Variants in PRIM2 observed in about 807,000 individuals in gnomAD.
The protein encoded by PRIM2 is DNA primase large subunit.
In PRIM2, 39 loss-of-function variants were observed where a neutral mutation model predicts 67.3. That is an observed-to-expected ratio of 0.58 (90% CI 0.45 to 0.76). The LOEUF (loss-of-function observed/expected upper bound fraction) is 0.76. Ranked by LOEUF, PRIM2 falls within the 30% of genes least tolerant of loss-of-function variation. PRIM2 has a pLI of 0.00. For synonymous variants in PRIM2, 143 were observed against 198.7 expected, an observed-to-expected ratio of 0.72 and a Z score of 2.36; for missense variants, 398 against 598.7, an observed-to-expected ratio of 0.66 and a Z score of 3.50.
At chr6:57,641,724 A>G in intron 13 of PRIM2, among the ~76,000 whole-genome samples, 1 of 152,364 alleles carries the variant, frequency 6.6e-6, no homozygotes, top group East Asian at 1.9e-4. Flanking sequence ...TTAAAAAGTC[A>G]GGAAACAACA....
At chr6:57,413,459 C>G (rs1489028057) in intron 7 of PRIM2, among the ~76,000 whole-genome samples, 1 of 151,506 alleles carries the variant, frequency 6.6e-6, no homozygotes, top group Non-Finnish European at 1.5e-5. Context: ...TATCAAATGG[C>G]AAATTCCAAC....
chr6:57,524,379 G>T (rs1554349171), intron 8 of PRIM2, among the ~76,000 whole-genome samples: 1 of 152,158 alleles, frequency 6.6e-6, no homozygotes, highest in Non-Finnish European at 1.5e-5. Context: ...TAAGTTTTAT[G>T]TAAGTTTATT....
the PRIM2 span, among the ~76,000 whole-genome samples, chr6:57,268,038 T>A: frequency 6.6e-6 from 1 of 152,148 alleles, no homozygotes; most frequent in Non-Finnish European, 1.5e-5. Context: ...TTCAGAGGAA[T>A]AATGGCTGTT....
chr6:57,516,522 A>G (rs1359967534), intron 8 of PRIM2, among the ~76,000 whole-genome samples: 4 of 152,332 alleles, frequency 2.6e-5, no homozygotes, highest in Admixed American at 6.5e-5. Flanking sequence ...ACAGAAATAT[A>G]AAAAGTTACT....
upstream of PRIM2, among the ~76,000 whole-genome samples, chr6:57,316,284 C>A (rs1483263818): frequency 6.6e-6 from 1 of 152,106 alleles, no homozygotes; most frequent in Non-Finnish European, 1.5e-5. Context: ...ATTAGCCAGG[C>A]GCCTGTAATC....
chr6:57,594,544 G>A (rs2127489530), intron 10 of PRIM2, among the ~76,000 whole-genome samples: 1 of 152,282 alleles, frequency 6.6e-6, no homozygotes, highest in African/African-American at 2.4e-5. Context: ...AATTTGATGA[G>A]GATGCTGAAG....
At chr6:57,434,081 T>C (rs973183737) in intron 7 of PRIM2, among the ~76,000 whole-genome samples, 6 of 151,992 alleles carry the variant, frequency 3.9e-5, no homozygotes, top group East Asian at 3.9e-4. Flanking sequence ...TGCGCCACCA[T>C]GCCCAACTAA....
At chr6:57,412,377 A>G (rs546129719) in intron 7 of PRIM2, among the ~76,000 whole-genome samples, 1 of 152,162 alleles carries the variant, frequency 6.6e-6, no homozygotes, top group Non-Finnish European at 1.5e-5. Flanking sequence ...GCAATTTTCT[A>G]CAATCACATA....
At chr6:57,273,193 G>T in the PRIM2 span, among the ~76,000 whole-genome samples, 52 of 152,300 alleles carry the variant, frequency 3.4e-4, no homozygotes, top group African/African-American at 1.1e-3. Flanking sequence ...GATTGGGGAA[G>T]TTCTCCTGGA....
intron 7 of PRIM2, among the ~76,000 whole-genome samples, chr6:57,489,116 C>T (rs1395638445): frequency 2.0e-5 from 3 of 152,330 alleles, no homozygotes; most frequent in African/African-American, 7.2e-5. Context: ...CCCAAGGGTC[C>T]TTAAGCTGTA....
chr6:57,580,477 A>G (rs1232300925), intron 10 of PRIM2, among the ~76,000 whole-genome samples: 3 of 152,216 alleles, frequency 2.0e-5, no homozygotes, highest in Admixed American at 6.5e-5. Flanking sequence ...TGAAAACTCA[A>G]ACAGGAAAAA....
the PRIM2 span, among the ~76,000 whole-genome samples, chr6:57,278,219 C>G: frequency 6.6e-6 from 1 of 151,480 alleles, no homozygotes; most frequent in Non-Finnish European, 1.5e-5. Context: ...CCCAGCTACT[C>G]GGGAGGCTGA....
At chr6:57,418,421 A>G (rs77075132) in intron 7 of PRIM2, among the ~76,000 whole-genome samples, 2 of 45,208 alleles carry the variant, frequency 4.4e-5, no homozygotes, top group East Asian at 1.2e-3. Context: ...TTTTTTTAAC[A>G]GATTCTCACT....
At chr6:57,417,900 T>C in intron 7 of PRIM2, among the ~76,000 whole-genome samples, 1 of 150,880 alleles carries the variant, frequency 6.6e-6, no homozygotes, top group African/African-American at 2.4e-5. Flanking sequence ...AAATGAGGTA[T>C]GCTTGCATGC....
chr6:57,342,648 G>A (rs921155351), intron 5 of PRIM2, among the ~76,000 whole-genome samples: 9 of 152,186 alleles, frequency 5.9e-5, no homozygotes, highest in Non-Finnish European at 1.3e-4. Flanking sequence ...ACTACAGAAT[G>A]GCAGGGACAG....
intron 5 of PRIM2, among the ~76,000 whole-genome samples, chr6:57,353,401 G>A (rs183150505): frequency 1.1e-4 from 17 of 152,228 alleles, no homozygotes; most frequent in Admixed American, 5.9e-4. Flanking sequence ...GTTTAGAAAG[G>A]ATAACTTACT....
At chr6:57,481,098 A>G (rs1359197252) in intron 7 of PRIM2, among the ~76,000 whole-genome samples, 2 of 152,236 alleles carry the variant, frequency 1.3e-5, no homozygotes, top group Admixed American at 1.3e-4. Flanking sequence ...TACATTAACT[A>G]TATTATAATA....
the PRIM2 span, among the ~76,000 whole-genome samples, chr6:57,279,079 T>C: frequency 1.3e-5 from 2 of 152,224 alleles, no homozygotes; most frequent in Non-Finnish European, 2.9e-5. Flanking sequence ...ATAGTGTTCA[T>C]TCTCCTACCC....
At chr6:57,587,886 G>A (rs1473982949) in intron 10 of PRIM2, among the ~76,000 whole-genome samples, 1 of 151,960 alleles carries the variant, frequency 6.6e-6, no homozygotes, top group Non-Finnish European at 1.5e-5. Context: ...TTAGAAGTGG[G>A]GACTCATGTC....
Sources: allele counts gnomAD v4.1 joint callset (sites outside exome capture counted in the v4.1 genomes callset), GRCh38; gene constraint gnomAD v4.1.1; transcripts MANE v1.5; gene names NCBI Gene and HGNC (gene_info 2026-07-23, HGNC 2026-07-21).